Variants in KCNQ3 observed in about 807,000 individuals in gnomAD.
KCNQ3 encodes the protein potassium voltage-gated channel subfamily KQT member 3.
A neutral mutation model predicts 92.5 loss-of-function variants in KCNQ3; 30 were observed. That is an observed-to-expected ratio of 0.32 (90% CI 0.24 to 0.44). The LOEUF is 0.44. Ranked by LOEUF, KCNQ3 falls within the 20% of genes least tolerant of loss-of-function variation. KCNQ3 has a pLI of 1.00. For synonymous variants in KCNQ3, 450 were observed against 468.8 expected, an observed-to-expected ratio of 0.96 and a Z score of 0.52; for missense variants, 913 against 1,140.3, an observed-to-expected ratio of 0.80 and a Z score of 2.87.
chr8:132,323,276 C>T (rs938837069), intron 1 of KCNQ3, among the ~76,000 whole-genome samples: 1 of 152,144 alleles, frequency 6.6e-6, no homozygotes, highest in African/African-American at 2.4e-5. Context: ...GACTTTAGCC[C>T]CATGGGTCCA....
intron 1 of KCNQ3, among the ~76,000 whole-genome samples, chr8:132,201,275 C>T (rs1200910270): frequency 6.6e-6 from 1 of 152,214 alleles, no homozygotes; most frequent in Non-Finnish European, 1.5e-5. Flanking sequence ...CCACCCTTTA[C>T]TTGCCAAATT....
At chr8:132,285,923 G>A (rs1360390133) in intron 1 of KCNQ3, among the ~76,000 whole-genome samples, 1 of 152,146 alleles carries the variant, frequency 6.6e-6, no homozygotes, top group Non-Finnish European at 1.5e-5. Flanking sequence ...CAAAGTTCCA[G>A]TGGCCCCAGG....
intron 1 of KCNQ3, among the ~76,000 whole-genome samples, chr8:132,201,744 G>A (rs552204079): frequency 1.3e-5 from 2 of 152,090 alleles, no homozygotes; most frequent in Non-Finnish European, 2.9e-5. Context: ...AGCTCTCCCA[G>A]GTTAGAGCCT....
rs1219327619 is a variant in KCNQ3 at position 132,127,173 on chromosome 8, T to G, written c.*2089A>C. ...GTGGGGAAAAGGCCCAAATAACCCA[T>G]GCCCTTTGTCCTTCAGATTGCCAGC... On this transcript the variant is annotated 3_prime_UTR_variant, in exon 15 of 15. Transcript: ENST00000388996. The G allele has an allele frequency of 6.6e-6, 1 of 152,228 alleles. No individual in the cohort carries two copies. The highest frequency in any genetic ancestry group is 1.9e-4 in the East Asian group (1 of 5,192). 9.4% of individuals were successfully genotyped at this position (152,228 alleles called of 1,614,324 possible). A position where few individuals can be genotyped will look rare whatever the true frequency, so the allele number is the denominator to read the frequency against.
At chr8:132,166,607 G>C (rs1826150883) in intron 8 of KCNQ3, among the ~76,000 whole-genome samples, 1 of 152,050 alleles carries the variant, frequency 6.6e-6, no homozygotes, top group South Asian at 2.1e-4. Flanking sequence ...TTTTCTCATA[G>C]AAAATTGGGT....
chr8:132,443,785 C>T (rs1037537511), intron 1 of KCNQ3, among the ~76,000 whole-genome samples: 1 of 146,900 alleles, frequency 6.8e-6, no homozygotes, highest in Admixed American at 6.7e-5. Flanking sequence ...TTCCAGGAGC[C>T]CTGAGTTCAG....
chr8:132,371,840 A>G (rs148151522), intron 1 of KCNQ3, among the ~76,000 whole-genome samples: 2 of 152,322 alleles, frequency 1.3e-5, no homozygotes, highest in East Asian at 1.9e-4. Context: ...TGTTTCTTCA[A>G]TCTCCCTCCG....
chr8:132,223,678 C>T (rs190078256), intron 1 of KCNQ3, among the ~76,000 whole-genome samples: 101 of 152,144 alleles, frequency 6.6e-4, no homozygotes, highest in Non-Finnish European at 1.1e-3. Flanking sequence ...CACTCCCTTA[C>T]GGGGCCATAT....
chr8:132,257,758 AAAAAAAAAG>A (rs1815640590), intron 1 of KCNQ3, among the ~76,000 whole-genome samples: 1 of 150,242 alleles, frequency 6.7e-6, no homozygotes, highest in Non-Finnish European at 1.5e-5. Flanking sequence ...AAAAAAAAAA[AAAAAAAAAG>A]AGAGAGAGAG....
At chr8:132,217,188 G>A (rs1814058329) in intron 1 of KCNQ3, among the ~76,000 whole-genome samples, 1 of 152,134 alleles carries the variant, frequency 6.6e-6, no homozygotes, top group African/African-American at 2.4e-5. Context: ...ATTTATACCA[G>A]AGAAACCGGC....
intron 1 of KCNQ3, among the ~76,000 whole-genome samples, chr8:132,465,534 C>A (rs1211337173): frequency 1.3e-5 from 2 of 151,306 alleles, no homozygotes; most frequent in Admixed American, 6.6e-5. Context: ...TCAAGACCAT[C>A]CTGGCTAACA....
chr8:132,287,100 G>T (rs1287093334), intron 1 of KCNQ3, among the ~76,000 whole-genome samples: 1 of 152,158 alleles, frequency 6.6e-6, no homozygotes, highest in African/African-American at 2.4e-5. Flanking sequence ...CAGATGTTTA[G>T]ATTAAAAAAT....
chr8:132,288,425 T>G (rs1413008477), intron 1 of KCNQ3, among the ~76,000 whole-genome samples: 1 of 152,224 alleles, frequency 6.6e-6, no homozygotes, highest in South Asian at 2.1e-4. Context: ...AGGAACTTCT[T>G]CTATATAAAC....
At chr8:132,333,716 G>A (rs1450691776) in intron 1 of KCNQ3, among the ~76,000 whole-genome samples, 2 of 150,242 alleles carry the variant, frequency 1.3e-5, no homozygotes, top group Non-Finnish European at 3.0e-5. Flanking sequence ...CTATGTTACT[G>A]TGAACTCTTT....
In KCNQ3 at chr8:132,128,323, T is replaced by C. The variant is rs1824735779; in HGVS notation, c.*939A>G. 6.6e-6 allele frequency: 1 copy of C among 152,226 alleles called. No homozygotes were observed. Among genetic ancestry groups the C allele is most frequent in the South Asian group, 2.1e-4 (1 of 4,836 alleles). The allele number at this position is 152,226 out of a possible 1,614,324, so 9.4% of individuals were successfully genotyped here. A position where few individuals can be genotyped will look rare whatever the true frequency, so the allele number is the denominator to read the frequency against. ...GTCCTTGGACTAGAAAATTTCTGTG[T>C]GCCTTCTTGACTTTAATTTCTATTT... On this transcript the variant is annotated 3_prime_UTR_variant, in exon 15 of 15. Transcript: ENST00000388996.
At chr8:132,446,909 C>G (rs758434033) in intron 1 of KCNQ3, among the ~76,000 whole-genome samples, 4 of 152,172 alleles carry the variant, frequency 2.6e-5, no homozygotes, top group African/African-American at 7.2e-5. Context: ...GCCAGAAGCA[C>G]GTGAGTGGTG....
chr8:132,228,645 C>A (rs764355294), intron 1 of KCNQ3, among the ~76,000 whole-genome samples: 22 of 151,838 alleles, frequency 1.4e-4, no homozygotes, highest in Non-Finnish European at 2.4e-4. Flanking sequence ...TGTTTTCAGT[C>A]CCCCGTAGTA....
intron 1 of KCNQ3, among the ~76,000 whole-genome samples, chr8:132,472,159 T>G (rs977742980): frequency 1.3e-5 from 2 of 152,158 alleles, no homozygotes; most frequent in Non-Finnish European, 2.9e-5. Flanking sequence ...ATACTGTTGG[T>G]GGGAATGTAA....
At chr8:132,419,937 G>A (rs991217082) in intron 1 of KCNQ3, among the ~76,000 whole-genome samples, 2 of 152,172 alleles carry the variant, frequency 1.3e-5, no homozygotes, top group African/African-American at 2.4e-5. Context: ...TGGAATACAT[G>A]GGTACTGTCT....
Sources: gnomAD v4.1 joint callset for allele counts (sites outside exome capture counted in the v4.1 genomes callset) on GRCh38, gnomAD v4.1.1 for gene constraint, MANE v1.5 for transcripts, NCBI Gene and HGNC (gene_info 2026-07-23, HGNC 2026-07-21) for gene names.